Variants in TMEFF2 observed in about 807,000 individuals in gnomAD.
TMEFF2 encodes the protein transmembrane protein with EGF like and two follistatin like domains 2, also known as tomoregulin-2.
TMEFF2 carries 28 observed loss-of-function variants against 53.8 expected under a neutral mutation model. That is an observed-to-expected ratio of 0.52 (90% CI 0.39 to 0.71). The LOEUF (loss-of-function observed/expected upper bound fraction) is 0.71. Ranked by LOEUF, TMEFF2 falls within the 30% of genes least tolerant of loss-of-function variation. The probability of loss-of-function intolerance (pLI) is 0.00; values close to 1 mark genes in which losing one functional copy is unlikely to be tolerated. For missense variants in TMEFF2, 353 were observed against 455.2 expected (o/e 0.78, Z 2.04); for synonymous variants, 162 against 166.3 (o/e 0.97, Z 0.20).
At chr2:192,001,952 T>G (rs1004621482) in intron 5 of TMEFF2, among the ~76,000 whole-genome samples, 1 of 152,218 alleles carries the variant, frequency 6.6e-6, no homozygotes, top group Non-Finnish European at 1.5e-5. Flanking sequence ...AAAATTCACT[T>G]AAGCTTTAAC....
rs563825482 is a variant in TMEFF2, at chr2:192,055,421, TCA to T, written c.536+2256_536+2257del. ...TTCTCAAAGTACTTCTGGCAATCTC[TCA>T]GTTTTGGGAACCACAAATTCATCAG... is the stretch of plus-strand genomic sequence containing the variant. On this transcript the variant is annotated intron_variant, in intron 5 of 9. Transcript: ENST00000272771. 1.2e-4 allele frequency among the ~76,000 whole-genome samples: 19 copies of T among 152,296 alleles called. No homozygotes were observed. In the South Asian group the frequency reaches 3.5e-3, roughly 28 times the overall value.
At chr2:191,978,582 T>C (rs943453833) in intron 7 of TMEFF2, among the ~76,000 whole-genome samples, 2 of 152,190 alleles carry the variant, frequency 1.3e-5, no homozygotes, top group Non-Finnish European at 2.9e-5. Flanking sequence ...AATGTCTTTT[T>C]CTCTAAAATA....
chr2:192,127,476 C>A (rs1050278647), intron 4 of TMEFF2, among the ~76,000 whole-genome samples: 1 of 152,118 alleles, frequency 6.6e-6, no homozygotes, highest in Non-Finnish European at 1.5e-5. Flanking sequence ...AAAATTATTG[C>A]ATTTGAAAAA....
intron 4 of TMEFF2, among the ~76,000 whole-genome samples, chr2:192,127,801 C>G (rs543144041): frequency 3.3e-5 from 5 of 152,152 alleles, no homozygotes; most frequent in Non-Finnish European, 7.4e-5. Flanking sequence ...TTCTTGCTAT[C>G]AATGAGTCAA....
chr2:192,185,611 T>A (rs1691292555), intron 2 of TMEFF2, among the ~76,000 whole-genome samples: 1 of 152,002 alleles, frequency 6.6e-6, no homozygotes, highest in African/African-American at 2.4e-5. Context: ...ATAACAAACC[T>A]AAAACCCTAT....
At chr2:192,092,150 T>C (rs537223890) in intron 4 of TMEFF2, among the ~76,000 whole-genome samples, 1 of 152,266 alleles carries the variant, frequency 6.6e-6, no homozygotes, top group African/African-American at 2.4e-5. Flanking sequence ...ATTCCTATTG[T>C]ATTCAGTGTG....
chr2:192,097,806 A>G (rs1038493447), intron 4 of TMEFF2, among the ~76,000 whole-genome samples: 1 of 152,216 alleles, frequency 6.6e-6, no homozygotes, highest in Non-Finnish European at 1.5e-5. Flanking sequence ...AGCTCGTATT[A>G]GCCTAAAAAT....
chr2:191,952,715 T>C (rs929967848), intron 9 of TMEFF2, among the ~76,000 whole-genome samples: 1 of 152,222 alleles, frequency 6.6e-6, no homozygotes, highest in African/African-American at 2.4e-5. Context: ...TCAAAGAAGA[T>C]TGTGCAATAC....
intron 4 of TMEFF2, among the ~76,000 whole-genome samples, chr2:192,174,250 G>A (rs898507746): frequency 6.6e-6 from 1 of 151,708 alleles, no homozygotes; most frequent in African/African-American, 2.4e-5. Flanking sequence ...ACATTCTTAA[G>A]CAATGTGCAG....
chr2:191,964,397 TC>T (rs869143127), intron 7 of TMEFF2, among the ~76,000 whole-genome samples: 2 of 52,748 alleles, frequency 3.8e-5, no homozygotes, highest in African/African-American at 8.1e-5. Flanking sequence ...TTTCTTTCTT[TC>T]TCTTTCTTTC....
chr2:191,982,491 CAATGA>C (rs1321979612), intron 7 of TMEFF2, among the ~76,000 whole-genome samples: 7 of 77,736 alleles, frequency 9.0e-5, no homozygotes, highest in Admixed American at 6.7e-4. Flanking sequence ...TAGCACAAGA[CAATGA>C]AAACAGGCAA....
chr2:192,099,412 T>G (rs1688983821), intron 4 of TMEFF2, among the ~76,000 whole-genome samples: 1 of 152,170 alleles, frequency 6.6e-6, no homozygotes, highest in Non-Finnish European at 1.5e-5. Flanking sequence ...TTAGATACTG[T>G]GGCAGCTTTT....
chr2:192,069,785 G>C (rs1289288113), intron 4 of TMEFF2, among the ~76,000 whole-genome samples: 1 of 151,510 alleles, frequency 6.6e-6, no homozygotes, highest in African/African-American at 2.4e-5. Flanking sequence ...AATTAACAAT[G>C]CTCTATTTAG....
At chr2:192,156,398 T>C in intron 4 of TMEFF2, among the ~76,000 whole-genome samples, 1 of 152,122 alleles carries the variant, frequency 6.6e-6, no homozygotes, top group South Asian at 2.1e-4. Flanking sequence ...GAGAACAGCA[T>C]TAATGTGCCT....
At chr2:192,081,565 T>G (rs887927778) in intron 4 of TMEFF2, among the ~76,000 whole-genome samples, 1 of 152,198 alleles carries the variant, frequency 6.6e-6, no homozygotes, top group African/African-American at 2.4e-5. Flanking sequence ...ATAAGTATTA[T>G]TTTTTAAAAT....
At chr2:191,995,012 T>C (rs1182640362) in intron 7 of TMEFF2, among the ~76,000 whole-genome samples, 2 of 151,988 alleles carry the variant, frequency 1.3e-5, no homozygotes, top group Non-Finnish European at 2.9e-5. Flanking sequence ...TTTCCTAGTG[T>C]TGACTACATT....
chr2:191,979,118 G>A (rs753733822), intron 7 of TMEFF2, among the ~76,000 whole-genome samples: 82 of 152,256 alleles, frequency 5.4e-4, no homozygotes, highest in Admixed American at 2.0e-3. Flanking sequence ...CAAAGTGACC[G>A]TCTTGTATAT....
At chr2:192,149,464 A>T (rs902906080) in intron 4 of TMEFF2, among the ~76,000 whole-genome samples, 3 of 151,914 alleles carry the variant, frequency 2.0e-5, no homozygotes, top group Middle Eastern at 3.2e-3. Flanking sequence ...TTTCATTTGG[A>T]TCTCTTCTAT....
intron 7 of TMEFF2, among the ~76,000 whole-genome samples, chr2:191,992,076 T>G (rs1024345976): frequency 2.6e-5 from 4 of 152,072 alleles, no homozygotes; most frequent in Admixed American, 6.6e-5. Context: ...TCAGAAATCT[T>G]GAAAAAATCT....
Sources: gnomAD v4.1 joint callset for allele counts (sites outside exome capture counted in the v4.1 genomes callset) on GRCh38, gnomAD v4.1.1 for gene constraint, MANE v1.5 for transcripts, NCBI Gene and HGNC (gene_info 2026-07-23, HGNC 2026-07-21) for gene names.